The following CRTAP variants were observed in gnomAD, a reference collection of about 807,000 sequenced individuals.
CRTAP encodes cartilage-associated protein.
A neutral mutation model predicts 42.7 loss-of-function variants in CRTAP; 33 were observed. The ratio of observed to expected loss-of-function variants is 0.77; its 90% CI spans 0.59 to 1.03. The LOEUF is 1.03. Ranked by LOEUF, CRTAP falls within the 50% of genes least tolerant of loss-of-function variation. CRTAP has a pLI of 0.00. For synonymous variants in CRTAP, 243 were observed against 217.7 expected (o/e 1.12, Z -1.02); for missense variants, 613 against 533.9 (o/e 1.15, Z -1.46).
Position 33,124,420 on chromosome 3 carries a change from C to T in CRTAP, c.634C>T (p.Arg212Ter), listed in dbSNP as rs137853944. ...CCATGCCTTTCAGAGCCTGTTCATC[C>T]GAGCAGTGCGGGCATACAACGGTGA... ...ETKSYESLFI[R>*]AVRAYNGENW... is the part of the protein sequence containing the mutation. The change falls in exon 3 of 7, where the codon CGA becomes TGA. Residue 212 changes from arginine to a stop codon, truncating the protein, a stop_gained. Transcript: ENST00000320954. LOFTEE classifies it high-confidence loss of function. 1.2e-5 allele frequency: 20 copies of T among 1,614,136 alleles called. No homozygotes were observed. The highest frequency in any genetic ancestry group is 1.2e-4 in the African/African-American group (9 of 75,034).
intron 6 of CRTAP, among the ~76,000 whole-genome samples, chr3:33,138,739 G>T (rs1283637348): frequency 1.3e-5 from 2 of 152,190 alleles, no homozygotes; most frequent in East Asian, 1.9e-4. Context: ...TGGCACAGGG[G>T]CTCATTCCTC....
rs896695454 is a variant in CRTAP, at chr3:33,146,718, A to G, written c.*4270A>G. The G allele has an allele frequency of 2.0e-5, 3 of 152,228 alleles. No individual in the cohort carries two copies. Among genetic ancestry groups the G allele is most frequent in the African/African-American group, 7.2e-5 (3 of 41,460 alleles). The allele number at this position is 152,228 out of a possible 1,614,324, so 9.4% of individuals were successfully genotyped here. ...TTATTAGGGGAATTTTAAGAGCACA[A>G]AAATTTTATTGAACCCACCTTAGTG... On this transcript the variant is annotated 3_prime_UTR_variant, in exon 7 of 7. Transcript: ENST00000320954.
At chr3:33,142,297 G>C in intron 6 of CRTAP, 98 bp from the exon 7 acceptor site, 2 of 1,159,500 alleles carry the variant, frequency 1.7e-6, no homozygotes, top group African/African-American at 1.5e-5. Context: ...AGCCAAAGCA[G>C]ACAGTGGTGA....
chr3:33,119,229 G>C (rs1319539320), intron 1 of CRTAP, among the ~76,000 whole-genome samples: 1 of 152,190 alleles, frequency 6.6e-6, no homozygotes, highest in Non-Finnish European at 1.5e-5. Context: ...TGGTCATAAT[G>C]TCATTATGTT....
chr3:33,136,756 G>A (rs1024659343), intron 6 of CRTAP, among the ~76,000 whole-genome samples: 4 of 152,174 alleles, frequency 2.6e-5, no homozygotes, highest in East Asian at 1.9e-4. Flanking sequence ...TGAACTCAGA[G>A]TGAGAACTCA....
chr3:33,131,254 T>C (rs1303748255), intron 4 of CRTAP, among the ~76,000 whole-genome samples: 1 of 132,612 alleles, frequency 7.5e-6, no homozygotes, highest in Non-Finnish European at 1.5e-5. Context: ...GGTAATTGTG[T>C]TTTTTTTTTG....
chr3:33,121,180 G>A lies in CRTAP; in HGVS notation c.621+687G>A, dbSNP rs1033704485. 4.6e-5 allele frequency among the ~76,000 whole-genome samples: 7 copies of A among 152,174 alleles called. No individual in the cohort carries two copies. The South Asian group carries it at 1.2e-3, about 27-fold the overall frequency. On this transcript the variant is annotated intron_variant, in intron 2 of 6. Transcript: ENST00000320954. Reference sequence around the variant, plus strand: ...TCCCAGCACTTTGGGAGGCCGAGGCGGATGGATCACCTGAGGTCAGGAGTT... The same window carrying A: ...TCCCAGCACTTTGGGAGGCCGAGGCAGATGGATCACCTGAGGTCAGGAGTT...
chr3:33,133,691 G>A (rs561084515), intron 5 of CRTAP, among the ~76,000 whole-genome samples: 8 of 151,890 alleles, frequency 5.3e-5, no homozygotes, highest in African/African-American at 7.3e-5. Context: ...ACAATTTGTC[G>A]TGAATATTTC....
chr3:33,130,525 C>CTTTTCTTTT (rs2030224681), intron 4 of CRTAP, among the ~76,000 whole-genome samples: 1 of 55,228 alleles, frequency 1.8e-5, no homozygotes, highest in Non-Finnish European at 3.1e-5. Flanking sequence ...CTTTTCTTTT[C>CTTTTCTTTT]TTTTTTTTTT....
At chr3:33,130,602 G>C (rs182271852) in intron 4 of CRTAP, among the ~76,000 whole-genome samples, 1 of 119,812 alleles carries the variant, frequency 8.3e-6, no homozygotes, top group East Asian at 2.9e-4. Flanking sequence ...GTGTGATCTT[G>C]ACTTACTGCA....
chr3:33,132,745 C>A, intron 5 of CRTAP, 45 bp downstream of exon 5: 3 of 1,607,880 alleles, frequency 1.9e-6, no homozygotes, highest in Non-Finnish European at 2.6e-6. Context: ...TCATTCTTGC[C>A]TTCTGGAGAC....
At chr3:33,138,406 T>TA (rs2030482785) in intron 6 of CRTAP, among the ~76,000 whole-genome samples, 1 of 152,176 alleles carries the variant, frequency 6.6e-6, no homozygotes, top group African/African-American at 2.4e-5. Flanking sequence ...TTGGATTTTT[T>TA]AAAAATTTAT....
intron 6 of CRTAP, among the ~76,000 whole-genome samples, chr3:33,136,120 T>G (rs887755038): frequency 1.2e-4 from 18 of 152,346 alleles, no homozygotes; most frequent in Non-Finnish European, 2.5e-4. Flanking sequence ...ATTTGCCTGT[T>G]GTGGACATTT....
Position 33,132,664 on chromosome 3 carries a change from T to A in CRTAP, c.1032T>A (p.Thr344=), listed in dbSNP as rs1135127. ...TGTATTACCAGTACCACAGGGACAC[T>A]TGGGGCCTCTCGGATGAGCACTTCC... ...NLVYYQYHRD[T]WGLSDEHFQP... Residue 344 remains threonine, a synonymous_variant, in exon 5 of 7, where the codon ACT becomes ACA. Transcript: ENST00000320954. The A allele has an allele frequency of 6.2e-7, 1 of 1,613,892 alleles. No individual in the cohort carries two copies. The highest frequency in any genetic ancestry group is 1.7e-4 in the Middle Eastern group (1 of 6,044).
intron 1 of CRTAP, among the ~76,000 whole-genome samples, chr3:33,116,401 C>T (rs1402767418): frequency 2.0e-5 from 3 of 152,188 alleles, no homozygotes; most frequent in Non-Finnish European, 4.4e-5. Flanking sequence ...CTTTGTCACC[C>T]AGACTGGAAT....
chr3:33,119,219 T>C (rs1352168853), intron 1 of CRTAP, among the ~76,000 whole-genome samples: 1 of 152,240 alleles, frequency 6.6e-6, no homozygotes, highest in East Asian at 1.9e-4. Flanking sequence ...TTATATTTTA[T>C]GGTCATAATG....
At position 33,120,468 on chromosome 3, in the gene CRTAP, A is replaced by G. The variant is rs2029868329; in HGVS notation, c.596A>G (p.Lys199Arg). The G allele has an allele frequency of 1.2e-6, 2 of 1,611,722 alleles. No homozygotes were observed. Among genetic ancestry groups the G allele is most frequent in the African/African-American group, 2.7e-5 (2 of 74,858 alleles). Residue 199 changes from lysine to arginine, a missense_variant, in exon 2 of 7, where the codon AAA (lysine) becomes AGA (arginine). Coordinates refer to ENST00000320954, the MANE Select transcript of CRTAP (RefSeq NM_006371.5). ...CTGCCTGGTGCCGAGGACTACATTA[A>G]AGACCTGGAAACCAAGTCATATGAA... ...KSLPGAEDYIKDLETKSYESL... is the reference protein window; with the variant it reads ...KSLPGAEDYIRDLETKSYESL...
chr3:33,137,911 A>G (rs1319567715), intron 6 of CRTAP, among the ~76,000 whole-genome samples: 1 of 152,196 alleles, frequency 6.6e-6, no homozygotes, highest in Non-Finnish European at 1.5e-5. Context: ...ATTCTCTTGC[A>G]TGTGAATAGC....
chr3:33,129,535 CTTTTTTTTTTT>C (rs753545426), intron 3 of CRTAP, among the ~76,000 whole-genome samples: 3 of 115,732 alleles, frequency 2.6e-5, no homozygotes, highest in Admixed American at 9.8e-5. Flanking sequence ...TTTTCTTTTT[CTTTTTTTTTTT>C]TTTTTTTTGG....
Sources: gnomAD v4.1 joint callset for allele counts (sites outside exome capture counted in the v4.1 genomes callset) on GRCh38, gnomAD v4.1.1 for gene constraint, MANE v1.5 for transcripts, NCBI Gene and HGNC (gene_info 2026-07-23, HGNC 2026-07-21) for gene names.